Variants in NEGR1 observed in about 807,000 individuals in gnomAD.
NEGR1 encodes neuronal growth regulator 1.
Under a neutral mutation model 40.9 loss-of-function variants are expected in NEGR1, and 10 were observed. That is an observed-to-expected ratio of 0.24 (90% CI 0.15 to 0.42). The LOEUF (loss-of-function observed/expected upper bound fraction) is 0.42. Ranked by LOEUF, NEGR1 falls within the 10% of genes least tolerant of loss-of-function variation. The pLI, the probability that NEGR1 is intolerant of heterozygous loss-of-function variation, is 1.00. For synonymous variants in NEGR1, 185 were observed against 166.8 expected (o/e 1.11, Z -0.84); for missense variants, 352 against 438.9 (o/e 0.80, Z 1.77).
At chr1:72,009,179 G>A (rs954025855) in intron 1 of NEGR1, among the ~76,000 whole-genome samples, 3 of 151,980 alleles carry the variant, frequency 2.0e-5, no homozygotes, top group Admixed American at 1.3e-4. Context: ...TCATGTAGTA[G>A]ATGATGAACA....
intron 1 of NEGR1, among the ~76,000 whole-genome samples, chr1:72,268,772 GTC>G (rs1447421461): frequency 5.3e-5 from 8 of 151,564 alleles, no homozygotes; most frequent in African/African-American, 1.7e-4. Context: ...TGTTGACTAT[GTC>G]TGTTACATTC....
At chr1:72,164,738 C>T (rs991277468) in intron 1 of NEGR1, among the ~76,000 whole-genome samples, 1 of 151,676 alleles carries the variant, frequency 6.6e-6, no homozygotes, top group Non-Finnish European at 1.5e-5. Context: ...TTCTTGCTTC[C>T]TTTATCATTA....
At chr1:71,693,524 C>T (rs1653366409) in intron 4 of NEGR1, among the ~76,000 whole-genome samples, 1 of 151,456 alleles carries the variant, frequency 6.6e-6, no homozygotes, top group Non-Finnish European at 1.5e-5. Context: ...CTTACATTCA[C>T]ATATATGTAT....
At chr1:72,268,732 T>A (rs1250486570) in intron 1 of NEGR1, among the ~76,000 whole-genome samples, 1 of 151,536 alleles carries the variant, frequency 6.6e-6, no homozygotes, top group Non-Finnish European at 1.5e-5. Flanking sequence ...ATATACAGGA[T>A]TAATAATTTT....
At chr1:71,438,173 C>T (rs1374631800) in intron 6 of NEGR1, among the ~76,000 whole-genome samples, 1 of 152,112 alleles carries the variant, frequency 6.6e-6, no homozygotes, top group Non-Finnish European at 1.5e-5. Context: ...TCTTTATAAG[C>T]CCTTAGTCAA....
At chr1:72,271,541 C>T (rs189637391) in intron 1 of NEGR1, among the ~76,000 whole-genome samples, 228 of 151,978 alleles carry the variant, frequency 1.5e-3, no homozygotes, top group Non-Finnish European at 2.3e-3. Flanking sequence ...GACCCAATTG[C>T]AGGCCAAGGT....
At chr1:71,559,823 T>A (rs1377120822) in intron 6 of NEGR1, among the ~76,000 whole-genome samples, 1 of 113,216 alleles carries the variant, frequency 8.8e-6, no homozygotes, top group African/African-American at 3.5e-5. Flanking sequence ...ACAGTCTACA[T>A]TATCATTCTG....
chr1:72,043,807 T>C (rs1486087), intron 1 of NEGR1, among the ~76,000 whole-genome samples: 74,049 of 151,534 alleles, frequency 0.49, 18,712 homozygotes, highest in Non-Finnish European at 0.55. Context: ...GAATTCACCC[T>C]ATTCTGTAAC....
intron 1 of NEGR1, among the ~76,000 whole-genome samples, chr1:72,094,398 C>T (rs146872006): frequency 3.2e-4 from 49 of 152,214 alleles, no homozygotes; most frequent in African/African-American, 6.5e-4. Context: ...AGGCCCTGAA[C>T]GAGGTCAGTA....
chr1:72,165,905 C>T (rs1188547738), intron 1 of NEGR1, among the ~76,000 whole-genome samples: 2 of 151,988 alleles, frequency 1.3e-5, no homozygotes, highest in African/African-American at 4.8e-5. Flanking sequence ...TTTGATTAGG[C>T]ATGAATGAAT....
intron 1 of NEGR1, among the ~76,000 whole-genome samples, chr1:72,137,321 A>G (rs1027141472): frequency 4.6e-5 from 7 of 152,292 alleles, no homozygotes; most frequent in African/African-American, 1.7e-4. Flanking sequence ...CACTGTTCAC[A>G]ATAGAAAAGT....
chr1:72,082,251 A>G (rs1648032916), intron 1 of NEGR1, among the ~76,000 whole-genome samples: 1 of 152,146 alleles, frequency 6.6e-6, no homozygotes, highest in African/African-American at 2.4e-5. Context: ...GATCCTTAAT[A>G]GTCTTTCCCT....
chr1:71,915,408 G>T (rs558149741), intron 2 of NEGR1, among the ~76,000 whole-genome samples: 1 of 152,166 alleles, frequency 6.6e-6, no homozygotes, highest in East Asian at 1.9e-4. Context: ...TAAATAAAAG[G>T]AGAAATTGAG....
At chr1:71,591,457 TCTTTA>T (rs1649497639) in intron 6 of NEGR1, among the ~76,000 whole-genome samples, 1 of 152,324 alleles carries the variant, frequency 6.6e-6, no homozygotes, top group East Asian at 1.9e-4. Flanking sequence ...CTTAAATTTT[TCTTTA>T]CTTTGCCGTG....
chr1:71,520,203 G>T (rs1313659918), intron 6 of NEGR1, among the ~76,000 whole-genome samples: 1 of 152,048 alleles, frequency 6.6e-6, no homozygotes, highest in African/African-American at 2.4e-5. Context: ...TGGTGGGGTT[G>T]TCATGATGGT....
chr1:71,420,134 G>A (rs539293853), intron 6 of NEGR1, among the ~76,000 whole-genome samples: 62 of 152,120 alleles, frequency 4.1e-4, no homozygotes, highest in African/African-American at 1.3e-3. Context: ...ATTAATAAAT[G>A]TTTCAGTTTA....
At chr1:71,666,288 T>C (rs1428312094) in intron 4 of NEGR1, among the ~76,000 whole-genome samples, 1 of 152,178 alleles carries the variant, frequency 6.6e-6, no homozygotes, top group Non-Finnish European at 1.5e-5. Context: ...CTCCTAACAA[T>C]AGTCATTTGC....
intron 1 of NEGR1, among the ~76,000 whole-genome samples, chr1:72,152,051 T>C (rs1468028546): frequency 6.6e-6 from 1 of 151,810 alleles, no homozygotes; most frequent in Non-Finnish European, 1.5e-5. Flanking sequence ...GAATACTGCA[T>C]ACAACAGACA....
chr1:72,085,045 A>C (rs1648159082), intron 1 of NEGR1, among the ~76,000 whole-genome samples: 2 of 152,190 alleles, frequency 1.3e-5, no homozygotes, highest in African/African-American at 2.4e-5. Flanking sequence ...TTCAAAGCTC[A>C]AGTTTTCATA....
Sources: gnomAD v4.1 joint callset for allele counts (sites outside exome capture counted in the v4.1 genomes callset) on GRCh38, gnomAD v4.1.1 for gene constraint, MANE v1.5 for transcripts, NCBI Gene and HGNC (gene_info 2026-07-23, HGNC 2026-07-21) for gene names.